The following CFAP299 variants were observed in gnomAD, a reference collection of about 807,000 sequenced individuals.
CFAP299 encodes the protein cilia and flagella associated protein 299.
In CFAP299, 21 loss-of-function variants were observed where a neutral mutation model predicts 27.0. The ratio of observed to expected loss-of-function variants is 0.78; its 90% confidence interval spans 0.55 to 1.12. The LOEUF (loss-of-function observed/expected upper bound fraction) is 1.12, where lower values mean the gene tolerates loss of function less well. Ranked by LOEUF, CFAP299 falls within the 50% of genes most tolerant of loss-of-function variation. The pLI is 0.00. For synonymous variants in CFAP299, 104 were observed against 98.1 expected (o/e 1.06, Z -0.36); for missense variants, 310 against 276.6 (o/e 1.12, Z -0.86).
intron 3 of CFAP299, among the ~76,000 whole-genome samples, chr4:80,686,155 A>G (rs1254688462): frequency 6.6e-6 from 1 of 152,208 alleles, no homozygotes; most frequent in African/African-American, 2.4e-5. Flanking sequence ...ATGCTATTGG[A>G]ATCAAACCCT....
intron 3 of CFAP299, among the ~76,000 whole-genome samples, chr4:80,783,776 G>A (rs1054432909): frequency 5.3e-5 from 8 of 152,038 alleles, no homozygotes; most frequent in Non-Finnish European, 1.2e-4. Flanking sequence ...ATCCTAAATT[G>A]TAATATTGCA....
chr4:80,857,927 G>T (rs1043610972), intron 3 of CFAP299, among the ~76,000 whole-genome samples: 13 of 152,236 alleles, frequency 8.5e-5, no homozygotes, highest in African/African-American at 3.1e-4. Flanking sequence ...CTCATAAAAT[G>T]AGTTAGGGAG....
intron 1 of CFAP299, among the ~76,000 whole-genome samples, chr4:80,347,645 T>C (rs1460608924): frequency 6.6e-6 from 1 of 152,104 alleles, no homozygotes; most frequent in Non-Finnish European, 1.5e-5. Flanking sequence ...TACAAACAAA[T>C]GGAAAAACCT....
At chr4:80,639,376 A>T (rs189827704) in intron 3 of CFAP299, among the ~76,000 whole-genome samples, 2 of 152,294 alleles carry the variant, frequency 1.3e-5, no homozygotes, top group East Asian at 3.9e-4. Context: ...GAACATGGAG[A>T]TGTTTTTTGG....
At chr4:80,693,853 A>C (rs1049906100) in intron 3 of CFAP299, among the ~76,000 whole-genome samples, 7 of 151,952 alleles carry the variant, frequency 4.6e-5, no homozygotes, top group East Asian at 3.9e-4. Context: ...AAAAAAAAAA[A>C]CACAGAGCAT....
intron 3 of CFAP299, among the ~76,000 whole-genome samples, chr4:80,753,757 A>T (rs149830832): frequency 1.1e-3 from 162 of 152,088 alleles, no homozygotes; most frequent in African/African-American, 3.9e-3. Flanking sequence ...TTTTTCTGCT[A>T]TGTCAAATCT....
chr4:80,518,727 G>A (rs1247157118), intron 2 of CFAP299, among the ~76,000 whole-genome samples: 1 of 152,114 alleles, frequency 6.6e-6, no homozygotes, highest in Non-Finnish European at 1.5e-5. Flanking sequence ...CATGTCATGT[G>A]CTGGCTTTGC....
chr4:80,876,783 A>T (rs1323325413), intron 4 of CFAP299, among the ~76,000 whole-genome samples: 1 of 152,084 alleles, frequency 6.6e-6, no homozygotes, highest in Non-Finnish European at 1.5e-5. Context: ...TTGACCTCAA[A>T]TCCATATCCC....
intron 2 of CFAP299, among the ~76,000 whole-genome samples, chr4:80,426,773 C>G (rs1208007296): frequency 1.3e-5 from 2 of 152,354 alleles, no homozygotes; most frequent in East Asian, 3.9e-4. Context: ...CACTTCTTAA[C>G]AAGGTACTGT....
chr4:80,393,882 C>T (rs1251680670), intron 2 of CFAP299, among the ~76,000 whole-genome samples: 1 of 152,100 alleles, frequency 6.6e-6, no homozygotes, highest in East Asian at 1.9e-4. Flanking sequence ...CCCATAATCC[C>T]CACGTGTCAA....
chr4:80,804,164 A>C (rs961957905), intron 3 of CFAP299, among the ~76,000 whole-genome samples: 5 of 152,144 alleles, frequency 3.3e-5, no homozygotes, highest in African/African-American at 1.2e-4. Context: ...TGGGGGACAC[A>C]TTCAGAACAC....
In CFAP299 at chr4:80,857,854, G is replaced by C. The variant is rs191281672; in HGVS notation, c.334-12139G>C. 8.6e-3 allele frequency among the ~76,000 whole-genome samples: 1,308 copies of C among 152,188 alleles called. 21 individuals carry two copies. The highest frequency in any genetic ancestry group is 0.03 in the African/African-American group (1,243 of 41,516). ...TGCATCAATGTTCATCAAGGATATT[G>C]GTCTAAAATTCTCTTTTTTTTGTTG... On this transcript the variant is annotated intron_variant, in intron 3 of 5. Transcript: ENST00000358105.
At chr4:80,432,473 T>C (rs935208946) in intron 2 of CFAP299, among the ~76,000 whole-genome samples, 48 of 151,754 alleles carry the variant, frequency 3.2e-4, no homozygotes, top group Non-Finnish European at 6.3e-4. Context: ...TTATTTATGC[T>C]ATTTCTAAAA....
intron 3 of CFAP299, among the ~76,000 whole-genome samples, chr4:80,674,061 A>T (rs1719222548): frequency 6.6e-6 from 1 of 152,134 alleles, no homozygotes; most frequent in African/African-American, 2.4e-5. Flanking sequence ...TGATCCTGTC[A>T]TTATGATGTT....
intron 2 of CFAP299, among the ~76,000 whole-genome samples, chr4:80,514,616 A>G (rs1040406635): frequency 2.6e-5 from 4 of 152,092 alleles, no homozygotes; most frequent in Non-Finnish European, 5.9e-5. Flanking sequence ...ATGACATCAA[A>G]GACCAAAACT....
At chr4:80,712,856 AT>A (rs1364040324) in intron 3 of CFAP299, among the ~76,000 whole-genome samples, 1 of 152,094 alleles carries the variant, frequency 6.6e-6, no homozygotes, top group East Asian at 1.9e-4. Flanking sequence ...TCTGACCAAT[AT>A]TTTGCTTCAA....
intron 3 of CFAP299, among the ~76,000 whole-genome samples, chr4:80,766,761 G>T (rs548615525): frequency 1.1e-4 from 17 of 152,260 alleles, no homozygotes; most frequent in Non-Finnish European, 2.5e-4. Context: ...GAGTGTCAGA[G>T]AACACTATTT....
intron 2 of CFAP299, among the ~76,000 whole-genome samples, chr4:80,497,829 A>G (rs758905853): frequency 2.0e-5 from 3 of 152,172 alleles, no homozygotes; most frequent in Non-Finnish European, 4.4e-5. Flanking sequence ...GAAGAAAGCC[A>G]GAAGCATCAT....
intron 2 of CFAP299, among the ~76,000 whole-genome samples, chr4:80,395,718 A>C (rs922345987): frequency 4.6e-5 from 7 of 152,158 alleles, no homozygotes; most frequent in Admixed American, 3.9e-4. Context: ...AACTTCTGGC[A>C]GTTAGCTTCT....
Sources: allele counts gnomAD v4.1 joint callset (sites outside exome capture counted in the v4.1 genomes callset), GRCh38; gene constraint gnomAD v4.1.1; transcripts MANE v1.5; gene names NCBI Gene and HGNC (gene_info 2026-07-23, HGNC 2026-07-21).